Variants in SEPSECS observed in about 807,000 individuals in gnomAD.
SEPSECS encodes Sep (O-phosphoserine) tRNA:Sec (selenocysteine) tRNA synthase.
SEPSECS carries 42 observed loss-of-function variants against 52.1 expected under a neutral mutation model. The ratio of observed to expected loss-of-function variants is 0.81; its 90% CI spans 0.63 to 1.04. SEPSECS has a LOEUF of 1.04. Ranked by LOEUF, SEPSECS falls within the 50% of genes least tolerant of loss-of-function variation. SEPSECS has a pLI of 0.00. For synonymous variants in SEPSECS, 216 were observed against 211.4 expected (o/e 1.02, Z -0.19); for missense variants, 590 against 610.6 (o/e 0.97, Z 0.36).
Position 25,156,203 on chromosome 4 carries a change from T to G in SEPSECS, c.389-8A>C, listed in dbSNP as rs368514215. ...TGGCTACTGTATGGACACCTACAAA[T>G]AAGAAGCAAAACAGAAATCTGTTAT... On this transcript the variant is annotated splice_polypyrimidine_tract_variant and splice_region_variant and intron_variant, in intron 3 of 10. Coordinates refer to ENST00000382103, the MANE Select transcript of SEPSECS (RefSeq NM_016955.4). 6.9e-5 allele frequency: 111 copies of G among 1,613,254 alleles called. No individual in the cohort carries two copies. The highest frequency in any genetic ancestry group is 8.4e-5 in the Non-Finnish European group (99 of 1,179,460).
chr4:25,137,722 T>G (rs1577610752), intron 8 of SEPSECS, among the ~76,000 whole-genome samples: 1 of 152,008 alleles, frequency 6.6e-6, no homozygotes, highest in South Asian at 2.1e-4. Context: ...TGGATATATA[T>G]CCAAAGGAAT....
At chr4:25,127,394 A>AT in intron 8 of SEPSECS, 37 bp from the exon 9 acceptor site, 3 of 1,440,130 alleles carry the variant, frequency 2.1e-6, no homozygotes, top group Non-Finnish European at 2.9e-6. Context: ...AACAAATCAA[A>AT]TATCTACTGC....
rs150522642 is a variant in SEPSECS, at chr4:25,147,302, G to C, written c.805-2169C>G. ...TACTCAAGGTTTACTCTCTGCTTTC[G>C]CACAAAAAATAGAATGCTCTATGAG... On this transcript the variant is annotated intron_variant, in intron 6 of 10. Transcript: ENST00000382103. Among the ~76,000 whole-genome samples, 309 of 152,216 alleles carry C rather than the reference G, an allele frequency of 2.0e-3. 2 individuals carry two copies. In the South Asian group the frequency reaches 0.021, roughly 10 times the overall value.
chr4:25,160,255 C>G lies in SEPSECS; in HGVS notation c.114+1G>C. 1.3e-6 allele frequency: 2 copies of G among 1,554,456 alleles called. No homozygotes were observed. The highest frequency in any genetic ancestry group is 1.7e-6 in the Non-Finnish European group (2 of 1,148,216). On this transcript the variant is annotated splice_donor_variant, in intron 1 of 10. Coordinates refer to ENST00000382103, the MANE Select transcript of SEPSECS (RefSeq NM_016955.4). LOFTEE classifies it high-confidence loss of function. ...TGGGGAGGGGACCGACAGCTCGGTA[C>G]CTTCTCCAGAAGCAGCCGTATGAGG...
intron 8 of SEPSECS, 49 bp downstream of exon 8, chr4:25,144,725 G>A: frequency 1.5e-6 from 2 of 1,294,196 alleles, no homozygotes; most frequent in Non-Finnish European, 2.2e-6. Context: ...ATGATTTGGA[G>A]CACAGTTCTA....
Position 25,125,789 on chromosome 4 carries a change from A to G in SEPSECS, c.1121-5T>C, listed in dbSNP as rs920090126. The G allele has an allele frequency of 6.3e-7, 1 of 1,591,600 alleles. No individual in the cohort carries two copies. Among genetic ancestry groups the G allele is most frequent in the Middle Eastern group, 1.7e-4 (1 of 6,030 alleles). ...CTAGTGTTTTAAGTGTCATAGCTGA[A>G]AAAGAAAAAAGTATCCTAATAAGCC... On this transcript the variant is annotated splice_region_variant and splice_polypyrimidine_tract_variant and intron_variant, in intron 9 of 10. Coordinates refer to ENST00000382103, the MANE Select transcript of SEPSECS (RefSeq NM_016955.4).
chr4:25,160,498 C>CA (rs1441710809), upstream of SEPSECS: 4 of 707,052 alleles, frequency 5.7e-6, no homozygotes, highest in African/African-American at 1.8e-5. Flanking sequence ...CAAAACAAAA[C>CA]AAAACAAAAC....
At chr4:25,158,803 T>C in intron 2 of SEPSECS, 150 bp downstream of exon 2, 1 of 736,734 alleles carries the variant, frequency 1.4e-6, no homozygotes, top group Middle Eastern at 2.5e-4. Context: ...TCCATCTCCC[T>C]GTTGCATTTG....
chr4:25,155,122 A>G lies in SEPSECS; in HGVS notation c.577T>C (p.Leu193=), dbSNP rs777409645. 1.2e-6 allele frequency: 2 copies of G among 1,614,118 alleles called. No homozygotes were observed. Among genetic ancestry groups the G allele is most frequent in the Admixed American group, 3.3e-5 (2 of 60,024 alleles). Reference sequence around the variant, plus strand: ...TCTGTACGCAGCTCGTCACCTTCCAAAACATTTTCTATCACCACAGGCTCA... The same window carrying G: ...TCTGTACGCAGCTCGTCACCTTCCAGAACATTTTCTATCACCACAGGCTCA... ...GFEPVVIENV[L]EGDELRTDLK... is the part of the protein sequence containing the mutation. Residue 193 remains leucine (L), a synonymous_variant, in exon 5 of 11, where the codon TTG becomes CTG. Transcript: ENST00000382103.
At chr4:25,159,805 A>G in intron 1 of SEPSECS, 2 of 1,095,188 alleles carry the variant, frequency 1.8e-6, no homozygotes, top group Non-Finnish European at 2.2e-6. Context: ...TTTTAATGAA[A>G]TTAAAATACA....
chr4:25,160,101 C>G (rs1164306870), intron 1 of SEPSECS, 155 bp downstream of exon 1: 14 of 985,332 alleles, frequency 1.4e-5, no homozygotes, highest in Non-Finnish European at 1.7e-5. Flanking sequence ...AGGCACAGAC[C>G]GCAGTCGGTC....
chr4:25,140,939 C>T (rs1413826202), intron 8 of SEPSECS, among the ~76,000 whole-genome samples: 1 of 150,988 alleles, frequency 6.6e-6, no homozygotes, highest in East Asian at 1.9e-4. Context: ...AAAATTGCAT[C>T]TGTGCTGAAT....
At position 25,123,856 on chromosome 4, in the gene SEPSECS, C is replaced by G; in HGVS notation, c.*75G>C. On this transcript the variant is annotated 3_prime_UTR_variant, in exon 11 of 11. Coordinates refer to ENST00000382103, the MANE Select transcript of SEPSECS (RefSeq NM_016955.4). ...AATTCTCAATTCAAAAATCTCAAGTCTTATCTTTAAACTGCTTGCTTGTAC... is the reference window on the plus strand; with the variant it reads ...AATTCTCAATTCAAAAATCTCAAGTGTTATCTTTAAACTGCTTGCTTGTAC... 3 of 1,325,296 alleles carry G rather than the reference C, an allele frequency of 2.3e-6. No homozygotes were observed. The highest frequency in any genetic ancestry group is 3.2e-6 in the Non-Finnish European group (3 of 923,206). 82.1% of individuals were successfully genotyped at this position (1,325,296 alleles called of 1,614,324 possible).
chr4:25,134,350 GTGTA>G lies in SEPSECS; in HGVS notation c.1027-6997_1027-6994del, dbSNP rs1456120640. Among the ~76,000 whole-genome samples the G allele has an allele frequency of 5.1e-3, 753 of 147,234 alleles. 7 individuals carry two copies. The highest frequency in any genetic ancestry group is 0.017 in the African/African-American group (698 of 40,120). On this transcript the variant is annotated intron_variant, in intron 8 of 10. Transcript: ENST00000382103. ...TGTGTGTGTGTGTGTGTGTGTGTGT[GTGTA>G]TAAAATTTGCTTTCTGACTAATTTT...
chr4:25,140,732 CTA>C (rs1479291813), intron 8 of SEPSECS, among the ~76,000 whole-genome samples: 62 of 152,174 alleles, frequency 4.1e-4, no homozygotes, highest in East Asian at 9.7e-4. Flanking sequence ...CATGGAAAGA[CTA>C]TGTTAAGAAT....
chr4:25,145,178 C>G, intron 6 of SEPSECS, 45 bp from the exon 7 acceptor site: 2 of 1,601,136 alleles, frequency 1.2e-6, no homozygotes, highest in Non-Finnish European at 1.7e-6. Flanking sequence ...GGAAAACAGA[C>G]AACTGCTATT....
intron 8 of SEPSECS, among the ~76,000 whole-genome samples, chr4:25,133,889 G>A (rs1728718100): frequency 6.6e-6 from 1 of 151,912 alleles, no homozygotes; most frequent in Non-Finnish European, 1.5e-5. Flanking sequence ...TGAGGCAAGA[G>A]GATTGCTTGA....
intron 8 of SEPSECS, among the ~76,000 whole-genome samples, chr4:25,131,063 C>T: frequency 6.6e-6 from 1 of 152,270 alleles, no homozygotes; most frequent in Admixed American, 6.5e-5. Context: ...CTAATGTCAG[C>T]TATATTTCTA....
intron 8 of SEPSECS, among the ~76,000 whole-genome samples, chr4:25,143,351 T>C (rs1711722291): frequency 6.6e-6 from 1 of 152,168 alleles, no homozygotes; most frequent in South Asian, 2.1e-4. Flanking sequence ...CCCTCCCCAA[T>C]CCCTACCCTT....
Sources: allele counts gnomAD v4.1 joint callset (sites outside exome capture counted in the v4.1 genomes callset), GRCh38; gene constraint gnomAD v4.1.1; transcripts MANE v1.5; gene names NCBI Gene and HGNC (gene_info 2026-07-23, HGNC 2026-07-21).